Variants in MTRF1 observed in about 807,000 individuals in gnomAD.
MTRF1 encodes the protein peptide chain release factor 1, mitochondrial.
In MTRF1, 51 loss-of-function variants were observed where a neutral mutation model predicts 62.9. The ratio of observed to expected loss-of-function variants is 0.81; its 90% CI spans 0.65 to 1.02. MTRF1 has a LOEUF of 1.02. Among genes scored for constraint, MTRF1 ranks in the 50% least tolerant of loss-of-function variants. MTRF1 has a pLI of 0.00. For missense variants in MTRF1, 446 were observed against 530.0 expected (o/e 0.84, Z 1.56); for synonymous variants, 158 against 181.9 (o/e 0.87, Z 1.06).
rs991213483 is a variant in MTRF1 at position 41,233,823 on chromosome 13, A to G, written c.988+67T>C. On this transcript the variant is annotated intron_variant, in intron 7 of 9. Transcript: ENST00000379480. ...AGGAACCAGACACTCATATAGGACT[A>G]TTTCCTTCCAAATGCTGAGTAAGAT... is the stretch of plus-strand genomic sequence containing the variant. 5 of 1,276,340 alleles carry G rather than the reference A, an allele frequency of 3.9e-6. No homozygotes were observed. The African/African-American group carries it at 5.9e-5, about 15-fold the overall frequency. 79.1% of individuals were successfully genotyped at this position (1,276,340 alleles called of 1,614,324 possible).
At chr13:41,282,709 C>A in the MTRF1 span, among the ~76,000 whole-genome samples, 1 of 152,180 alleles carries the variant, frequency 6.6e-6, no homozygotes, top group Non-Finnish European at 1.5e-5. Flanking sequence ...AGTTTAGTTA[C>A]AATCTCAAGA....
intron 8 of MTRF1, among the ~76,000 whole-genome samples, chr13:41,225,535 G>T (rs1012224538): frequency 6.6e-6 from 1 of 152,132 alleles, no homozygotes; most frequent in Non-Finnish European, 1.5e-5. Flanking sequence ...GGTAAAGAAA[G>T]CTAGAAACGT....
chr13:41,239,451 T>C (rs1245900746), intron 6 of MTRF1, among the ~76,000 whole-genome samples: 1 of 152,100 alleles, frequency 6.6e-6, no homozygotes, highest in Non-Finnish European at 1.5e-5. Flanking sequence ...TTTAAATAAA[T>C]GTATACACAT....
chr13:41,223,498 G>T, intron 8 of MTRF1, 144 bp from the exon 9 acceptor site: 1 of 643,500 alleles, frequency 1.6e-6, no homozygotes. Flanking sequence ...AAAAGAATGG[G>T]CAGAACTTAA....
chr13:41,253,099 C>G, intron 3 of MTRF1, 69 bp from the exon 4 acceptor site: 1 of 1,166,376 alleles, frequency 8.6e-7, no homozygotes, highest in Non-Finnish European at 1.2e-6. Context: ...AATAAAGGCC[C>G]GAAAAACATT....
chr13:41,309,951 G>A, the MTRF1 span, among the ~76,000 whole-genome samples: 3 of 152,162 alleles, frequency 2.0e-5, no homozygotes, highest in East Asian at 3.9e-4. Context: ...AGCTGAGATA[G>A]CGCCATTGCA....
At chr13:41,269,962 A>T in the MTRF1 span, among the ~76,000 whole-genome samples, 2 of 152,248 alleles carry the variant, frequency 1.3e-5, no homozygotes, top group Non-Finnish European at 2.9e-5. Context: ...TTCCCAAAAC[A>T]AACTTTACTG....
the MTRF1 span, among the ~76,000 whole-genome samples, chr13:41,269,017 T>C: frequency 1.6e-5 from 2 of 124,334 alleles, no homozygotes; most frequent in Non-Finnish European, 3.3e-5. Context: ...TGACCATCCC[T>C]TTTTTTTTTT....
At chr13:41,273,860 G>C in the MTRF1 span, among the ~76,000 whole-genome samples, 31 of 151,258 alleles carry the variant, frequency 2.0e-4, no homozygotes, top group African/African-American at 7.4e-4. Context: ...AAAAATGTAA[G>C]CTGAACACTG....
At chr13:41,292,192 T>G in the MTRF1 span, among the ~76,000 whole-genome samples, 1 of 152,228 alleles carries the variant, frequency 6.6e-6, no homozygotes, top group Admixed American at 6.5e-5. Context: ...CAAACCAGAC[T>G]GGTAAACAAA....
intron 2 of MTRF1, among the ~76,000 whole-genome samples, chr13:41,256,169 GGCAAACACATACACAT>G (rs1367775996): frequency 6.6e-6 from 1 of 152,112 alleles, no homozygotes. Context: ...CCAGTCTGGT[GGCAAACACATACACAT>G]GATTACAATA....
the MTRF1 span, among the ~76,000 whole-genome samples, chr13:41,289,457 C>T: frequency 6.6e-6 from 1 of 152,048 alleles, no homozygotes; most frequent in African/African-American, 2.4e-5. Context: ...AGGCTGGTCT[C>T]GAACTCCTGC....
At position 41,226,460 on chromosome 13, in the gene MTRF1, C is replaced by T. The variant is rs149112882; in HGVS notation, c.1097G>A (p.Arg366His). The change falls in exon 8 of 10, where the codon CGT (arginine) becomes CAT (histidine). Residue 366 changes from arginine (R) to histidine (H), a missense_variant. Transcript: ENST00000379480. Reference sequence around the variant, plus strand: ...CAGTTTTCTAGCACTTTGTTGCTGACGCTTGTCTTTCTCAATAATCTGCTG... The same window carrying T: ...CAGTTTTCTAGCACTTTGTTGCTGATGCTTGTCTTTCTCAATAATCTGCTG... ...LYQQIIEKDK[R>H]QQQSARKLQV... 5.6e-5 allele frequency: 91 copies of T among 1,612,754 alleles called. No homozygotes were observed. Among genetic ancestry groups the T allele is most frequent in the Middle Eastern group, 4.9e-4 (3 of 6,076 alleles).
At chr13:41,257,917 G>A (rs1398546548) in intron 2 of MTRF1, 3 of 196,996 alleles carry the variant, frequency 1.5e-5, no homozygotes, top group African/African-American at 6.9e-5. Flanking sequence ...CACATAAGAG[G>A]ACTTTGTAAA....
the MTRF1 span, among the ~76,000 whole-genome samples, chr13:41,273,021 T>C: frequency 2.0e-5 from 3 of 151,932 alleles, no homozygotes; most frequent in Non-Finnish European, 4.4e-5. Flanking sequence ...AACAGGAAAT[T>C]TGTCAAAGGT....
the MTRF1 span, among the ~76,000 whole-genome samples, chr13:41,284,290 A>G: frequency 2.0e-5 from 3 of 151,380 alleles, no homozygotes; most frequent in Non-Finnish European, 4.4e-5. Flanking sequence ...GTTTGAGACC[A>G]GCCTGGCCAA....
the MTRF1 span, chr13:41,311,436 CA>C: frequency 8.1e-7 from 1 of 1,241,688 alleles, no homozygotes; most frequent in Admixed American, 2.1e-5. Flanking sequence ...GCCCGACTCT[CA>C]GCAGCGGTTC....
chr13:41,275,010 C>A, the MTRF1 span, among the ~76,000 whole-genome samples: 2 of 152,272 alleles, frequency 1.3e-5, no homozygotes, highest in African/African-American at 4.8e-5. Context: ...CTTCCATTTA[C>A]AAAACATAGT....
chr13:41,257,607 G>A (rs2039898515), intron 2 of MTRF1: 1 of 189,750 alleles, frequency 5.3e-6, no homozygotes, highest in Admixed American at 5.1e-5. Flanking sequence ...AACACAGGCT[G>A]GGCAACACAG....
Sources: allele counts gnomAD v4.1 joint callset (sites outside exome capture counted in the v4.1 genomes callset), GRCh38; gene constraint gnomAD v4.1.1; transcripts MANE v1.5; gene names NCBI Gene and HGNC (gene_info 2026-07-23, HGNC 2026-07-21).